Variants in ATP8B1 observed in about 807,000 individuals in gnomAD.
ATP8B1 encodes ATPase phospholipid transporting 8B1, also known as phospholipid-transporting ATPase IC.
Under a neutral mutation model 149.9 loss-of-function variants are expected in ATP8B1, and 80 were observed. The ratio of observed to expected loss-of-function variants is 0.53; its 90% CI spans 0.45 to 0.64. The LOEUF (loss-of-function observed/expected upper bound fraction) is 0.64, where lower values mean the gene tolerates loss of function less well. Among genes scored for constraint, ATP8B1 ranks in the 30% least tolerant of loss-of-function variants. ATP8B1 has a pLI of 0.00. For synonymous variants in ATP8B1, 536 were observed against 562.8 expected (o/e 0.95, Z 0.67); for missense variants, 1,247 against 1,552.6 (o/e 0.80, Z 3.31).
chr18:57,686,932 C>T (rs1912279999), intron 13 of ATP8B1, among the ~76,000 whole-genome samples: 1 of 152,196 alleles, frequency 6.6e-6, no homozygotes, highest in Non-Finnish European at 1.5e-5. Context: ...TAGCCTTCAA[C>T]TCCCAGGCTT....
intron 1 of ATP8B1, among the ~76,000 whole-genome samples, chr18:57,794,853 A>G (rs968327026): frequency 2.2e-4 from 34 of 152,026 alleles, no homozygotes; most frequent in Non-Finnish European, 1.5e-5. Flanking sequence ...GCTCAGTGAG[A>G]GCAGCTGCAG....
chr18:57,654,320 C>CT (rs948487486), intron 23 of ATP8B1, among the ~76,000 whole-genome samples: 85 of 146,304 alleles, frequency 5.8e-4, no homozygotes, highest in African/African-American at 1.2e-3. Context: ...TATCAATATT[C>CT]TTTTTTTTTT....
intron 2 of ATP8B1, among the ~76,000 whole-genome samples, chr18:57,719,552 C>G (rs1037036805): frequency 6.6e-6 from 1 of 152,176 alleles, no homozygotes; most frequent in Admixed American, 6.5e-5. Context: ...CTTTTCAGAC[C>G]GGCTTGAAAA....
chr18:57,768,663 A>G (rs1209891473), intron 1 of ATP8B1, among the ~76,000 whole-genome samples: 1 of 151,808 alleles, frequency 6.6e-6, no homozygotes, highest in Non-Finnish European at 1.5e-5. Context: ...GAAGGATTCA[A>G]AATATTACAT....
intron 12 of ATP8B1, 157 bp from the exon 13 acceptor site, chr18:57,688,664 T>C: frequency 1.3e-6 from 1 of 775,170 alleles, no homozygotes; most frequent in East Asian, 2.7e-5. Context: ...TGAAACCCAA[T>C]CCCCAATTCA....
At chr18:57,661,585 T>A in intron 21 of ATP8B1, 123 bp from the exon 22 acceptor site, 1 of 1,045,558 alleles carries the variant, frequency 9.6e-7, no homozygotes, top group Non-Finnish European at 1.4e-6. Flanking sequence ...ATTTGACAAA[T>A]AAATTTGATT....
intron 5 of ATP8B1, 43 bp downstream of exon 5, chr18:57,701,172 C>G: frequency 6.2e-7 from 1 of 1,612,384 alleles, no homozygotes; most frequent in Non-Finnish European, 8.5e-7. Flanking sequence ...AACTTAAAGT[C>G]AACTCAAAGC....
intron 2 of ATP8B1, among the ~76,000 whole-genome samples, chr18:57,720,941 T>A (rs2079639332): frequency 6.7e-6 from 1 of 149,204 alleles, no homozygotes; most frequent in South Asian, 2.2e-4. Flanking sequence ...GGGCCAGTAT[T>A]CAACATTCTT....
At chr18:57,752,951 C>A (rs1356308784) in intron 1 of ATP8B1, among the ~76,000 whole-genome samples, 1 of 152,182 alleles carries the variant, frequency 6.6e-6, no homozygotes, top group African/African-American at 2.4e-5. Flanking sequence ...GGAACCAGAA[C>A]CAGATCTTAG....
chr18:57,718,103 T>TAAAAAAAAAAAAA (rs59629558), intron 2 of ATP8B1, among the ~76,000 whole-genome samples: 101 of 31,722 alleles, frequency 3.2e-3, no homozygotes, highest in Non-Finnish European at 3.9e-3. Context: ...CTGGACTAAC[T>TAAAAAAAAAAAAA]AAAAAAAAAA....
At chr18:57,761,069 A>C (rs1410992175) in intron 1 of ATP8B1, among the ~76,000 whole-genome samples, 1 of 132,666 alleles carries the variant, frequency 7.5e-6, no homozygotes, top group Non-Finnish European at 1.6e-5. Flanking sequence ...AATAACATAA[A>C]ATAAAATAAA....
intron 1 of ATP8B1, among the ~76,000 whole-genome samples, chr18:57,801,058 CAA>C (rs1204120630): frequency 1.3e-5 from 2 of 152,066 alleles, no homozygotes; most frequent in Non-Finnish European, 1.5e-5. Context: ...GAACAAAAAA[CAA>C]AACAAAACCT....
intron 15 of ATP8B1, among the ~76,000 whole-genome samples, chr18:57,677,294 T>A (rs980268590): frequency 1.3e-5 from 2 of 152,232 alleles, no homozygotes; most frequent in African/African-American, 4.8e-5. Flanking sequence ...GATACGTACA[T>A]ATCTCTGTAT....
intron 15 of ATP8B1, among the ~76,000 whole-genome samples, chr18:57,679,963 C>G (rs1411459787): frequency 1.3e-5 from 2 of 151,818 alleles, no homozygotes; most frequent in Non-Finnish European, 2.9e-5. Context: ...CTGCACCCGG[C>G]TCACTCTAAT....
In ATP8B1 at chr18:57,731,747, C is replaced by T. The variant is rs1360692466; in HGVS notation, c.61G>A (p.Val21Met). 10 of 1,614,142 alleles carry T rather than the reference C, an allele frequency of 6.2e-6. No individual in the cohort carries two copies. Among genetic ancestry groups the T allele is most frequent in the African/African-American group, 1.3e-5 (1 of 75,034 alleles). ...GTTTCATCATCACTGTAGGGAACCA[C>T]TTCGTCATTAGGCTGAGAATCCTCG... The part of the protein sequence containing the change: ...FDEDSQPNDE[V>M]VPYSDDETED... The change falls in exon 2 of 28, where the codon GTG (valine) becomes ATG (methionine). Residue 21 changes from valine (V) to methionine (M), a missense_variant. Physicochemically the swap from Val to Met is conservative, Grantham distance 21. Around this residue, in one of 3 missense-constraint regions of ATP8B1, gnomAD observed 853 missense variants for 1,035.7 expected, o/e 0.82. Transcript: ENST00000648908.
In ATP8B1 at chr18:57,779,740, A is replaced by G. The variant is rs2080341455; in HGVS notation, c.-26+23258T>C. Among the ~76,000 whole-genome samples, 5 of 152,110 alleles carry G rather than the reference A, an allele frequency of 3.3e-5. 1 individual carries two copies. The South Asian group carries it at 1.0e-3, about 32-fold the overall frequency. On this transcript the variant is annotated intron_variant, in intron 1 of 27. Coordinates refer to ENST00000648908, the MANE Select transcript of ATP8B1 (RefSeq NM_001374385.1). Reference sequence around the variant, plus strand: ...TGGTGAAACCCCGTCTCTACTAAAAACACAAAAAAATTAGCTGGGCGTGGT... The same window carrying G: ...TGGTGAAACCCCGTCTCTACTAAAAGCACAAAAAAATTAGCTGGGCGTGGT...
At chr18:57,719,625 A>C (rs374876332) in intron 2 of ATP8B1, among the ~76,000 whole-genome samples, 26 of 152,078 alleles carry the variant, frequency 1.7e-4, no homozygotes, top group East Asian at 3.9e-4. Context: ...ACGGAATCTC[A>C]CTGATTGCTA....
chr18:57,732,133 A>ATATATGTATATG (rs764398507), intron 1 of ATP8B1: 1 of 48,102 alleles, frequency 2.1e-5, no homozygotes, highest in Non-Finnish European at 4.4e-5. Flanking sequence ...ATATGTGTAT[A>ATATATGTATATG]TGTATATATG....
At chr18:57,667,234 T>G in intron 19 of ATP8B1, 67 bp from the exon 20 acceptor site, 1 of 1,331,502 alleles carries the variant, frequency 7.5e-7, no homozygotes. Context: ...TTTTGTTTTT[T>G]GAGACAGCAT....
Sources: gnomAD v4.1 joint callset for allele counts (sites outside exome capture counted in the v4.1 genomes callset) on GRCh38, gnomAD v4.1.1 for gene constraint, gnomAD v4.1.1 regional missense constraint, MANE v1.5 for transcripts, NCBI Gene and HGNC (gene_info 2026-07-23, HGNC 2026-07-21) for gene names.